PLD5: variants seen among roughly 807,000 people sequenced by gnomAD.
PLD5 encodes inactive phospholipase D5.
A neutral mutation model predicts 61.1 loss-of-function variants in PLD5; 36 were observed. The ratio of observed to expected loss-of-function variants is 0.59; its 90% confidence interval spans 0.45 to 0.78. The LOEUF (loss-of-function observed/expected upper bound fraction) is 0.78, where lower values mean the gene tolerates loss of function less well. Among genes scored for constraint, PLD5 ranks in the 30% least tolerant of loss-of-function variants. PLD5 has a pLI of 0.00. For missense variants in PLD5, 515 were observed against 644.4 expected, an observed-to-expected ratio of 0.80 and a Z score of 2.17; for synonymous variants, 243 against 242.8, an observed-to-expected ratio of 1.00 and a Z score of -0.01.
At chr1:242,309,333 AC>A (rs1676559290) in intron 2 of PLD5, among the ~76,000 whole-genome samples, 1 of 151,620 alleles carries the variant, frequency 6.6e-6, no homozygotes, top group African/African-American at 2.4e-5. Context: ...AACAACAACA[AC>A]AACAACAAAA....
At chr1:242,317,121 C>T (rs1342308009) in intron 2 of PLD5, among the ~76,000 whole-genome samples, 1 of 152,020 alleles carries the variant, frequency 6.6e-6, no homozygotes, top group Non-Finnish European at 1.5e-5. Context: ...AATTCTCCTG[C>T]CTCAGCCTCC....
intron 5 of PLD5, among the ~76,000 whole-genome samples, chr1:242,194,467 C>A (rs1668473149): frequency 6.6e-6 from 1 of 152,170 alleles, no homozygotes. Flanking sequence ...GATACTCACA[C>A]ATACATGTTT....
At chr1:242,362,299 G>C (rs1571978004) in intron 1 of PLD5, among the ~76,000 whole-genome samples, 1 of 152,062 alleles carries the variant, frequency 6.6e-6, no homozygotes, top group African/African-American at 2.4e-5. Context: ...CCAAACAGTA[G>C]GAGACAGTCT....
chr1:242,243,827 G>A (rs999405325), intron 4 of PLD5, among the ~76,000 whole-genome samples: 1 of 152,198 alleles, frequency 6.6e-6, no homozygotes, highest in African/African-American at 2.4e-5. Context: ...TGAAAATTCA[G>A]TAGAGCTTCT....
At chr1:242,182,359 TG>T (rs1348124392) in intron 5 of PLD5, among the ~76,000 whole-genome samples, 1 of 121,770 alleles carries the variant, frequency 8.2e-6, no homozygotes, top group African/African-American at 3.3e-5. Flanking sequence ...CAAATTGGTG[TG>T]AGTTTTAAGT....
chr1:242,524,653 G>GTCCCGAGCGGGCGC lies in PLD5; in HGVS notation c.-391_-378dup, dbSNP rs1334519503. The GTCCCGAGCGGGCGC allele has an allele frequency of 6.2e-6, 1 of 160,612 alleles. No individual in the cohort carries two copies. The highest frequency in any genetic ancestry group is 2.4e-5 in the African/African-American group (1 of 41,424). The allele number at this position is 160,612 out of a possible 1,614,324, so 9.9% of individuals were successfully genotyped here. A position where few individuals can be genotyped will look rare whatever the true frequency, so the allele number is the denominator to read the frequency against. ...GCGGCGACGTCGCCCGGCGGCTGCG[G>GTCCCGAGCGGGCGC]TCCCGAGCGGGCGCTCCGCTCGCCG... is the stretch of plus-strand genomic sequence containing the variant. On this transcript the variant is annotated 5_prime_UTR_variant, in exon 1 of 10. Coordinates refer to ENST00000536534, the MANE Select transcript of PLD5 (RefSeq NM_001372062.1).
intron 2 of PLD5, among the ~76,000 whole-genome samples, chr1:242,298,450 C>A (rs187811379): frequency 6.6e-6 from 1 of 152,162 alleles, no homozygotes; most frequent in East Asian, 1.9e-4. Flanking sequence ...GGGCTCCCAG[C>A]GGCCAGGGGT....
chr1:242,294,902 G>A (rs546264596), intron 2 of PLD5, among the ~76,000 whole-genome samples: 3 of 152,322 alleles, frequency 2.0e-5, no homozygotes, highest in South Asian at 4.1e-4. Context: ...GTGCCTACAC[G>A]ACATTTTCAA....
intron 5 of PLD5, among the ~76,000 whole-genome samples, chr1:242,126,838 C>T (rs1414704073): frequency 6.6e-6 from 1 of 152,114 alleles, no homozygotes; most frequent in African/African-American, 2.4e-5. Context: ...AGAGCTTTTG[C>T]ATGGCAAAAG....
chr1:242,187,980 G>T (rs1174817886), intron 5 of PLD5, among the ~76,000 whole-genome samples: 1 of 152,074 alleles, frequency 6.6e-6, no homozygotes, highest in Non-Finnish European at 1.5e-5. Context: ...GTGCTAGAGG[G>T]GTATGAGAAA....
intron 8 of PLD5, among the ~76,000 whole-genome samples, chr1:242,104,369 A>G (rs892354668): frequency 6.6e-5 from 10 of 151,284 alleles, no homozygotes; most frequent in African/African-American, 2.4e-4. Flanking sequence ...CTTGGCCTCA[A>G]GTGATCCACT....
intron 5 of PLD5, among the ~76,000 whole-genome samples, chr1:242,137,996 G>A (rs1311055501): frequency 6.6e-6 from 1 of 152,130 alleles, no homozygotes; most frequent in Non-Finnish European, 1.5e-5. Flanking sequence ...AGATGTCTGA[G>A]GGTAGTTATA....
intron 7 of PLD5, among the ~76,000 whole-genome samples, chr1:242,108,983 C>T (rs547430651): frequency 6.6e-6 from 1 of 152,330 alleles, no homozygotes; most frequent in African/African-American, 2.4e-5. Context: ...CTGTACCTTC[C>T]TCTTGCTCTT....
chr1:242,267,195 A>AGGAAAG (rs201490435), intron 3 of PLD5, among the ~76,000 whole-genome samples: 40,654 of 128,778 alleles, frequency 0.32, 6,049 homozygotes, highest in South Asian at 0.38. Context: ...GAAAAGGAAA[A>AGGAAAG]GGAAAGGGAA....
At position 242,088,046 on chromosome 1, in the gene PLD5, C is replaced by T. The variant is rs1284360328; in HGVS notation, c.*1808G>A. ...TCACTCACTGGATAACCAACATAGCCATTCTATATTAAGTAAATCCATTGG... is the reference window on the plus strand; with the variant it reads ...TCACTCACTGGATAACCAACATAGCTATTCTATATTAAGTAAATCCATTGG... On this transcript the variant is annotated 3_prime_UTR_variant, in exon 10 of 10. Coordinates refer to ENST00000536534, the MANE Select transcript of PLD5 (RefSeq NM_001372062.1). 6.6e-6 allele frequency: 1 copy of T among 152,106 alleles called. No homozygotes were observed. Among genetic ancestry groups the T allele is most frequent in the East Asian group, 1.9e-4 (1 of 5,192 alleles). The allele number at this position is 152,106 out of a possible 1,614,324, so 9.4% of individuals were successfully genotyped here.
chr1:242,245,480 G>T lies in PLD5; in HGVS notation c.607+19857C>A, dbSNP rs116476221. ...GCTTGCCTGTTCAGCACAGCGTGTGGGGATGCAGCGGCGTAGGCTCCTTGG... is the reference window on the plus strand; with the variant it reads ...GCTTGCCTGTTCAGCACAGCGTGTGTGGATGCAGCGGCGTAGGCTCCTTGG... On this transcript the variant is annotated intron_variant, in intron 4 of 9. Transcript: ENST00000536534. Among the ~76,000 whole-genome samples, 281 of 152,326 alleles carry T rather than the reference G, an allele frequency of 1.8e-3. 4 individuals are homozygous for T. Among genetic ancestry groups the T allele is most frequent in the African/African-American group, 6.4e-3 (265 of 41,570 alleles).
intron 5 of PLD5, among the ~76,000 whole-genome samples, chr1:242,136,239 T>G (rs998976414): frequency 6.6e-6 from 1 of 152,198 alleles, no homozygotes. Context: ...CTCAACCTCA[T>G]TCTCCTATGG....
At chr1:242,219,363 GT>G (rs1670420769) in intron 5 of PLD5, among the ~76,000 whole-genome samples, 1 of 152,128 alleles carries the variant, frequency 6.6e-6, no homozygotes, top group Non-Finnish European at 1.5e-5. Context: ...GTATGCTGGA[GT>G]GTTGATTTAA....
In PLD5 at chr1:242,188,098, C is replaced by T. The variant is rs1239648538; in HGVS notation, c.735+31890G>A. Among the ~76,000 whole-genome samples the T allele has an allele frequency of 2.0e-5, 3 of 152,114 alleles. No individual in the cohort carries two copies. In the East Asian group the frequency reaches 5.8e-4, roughly 29 times the overall value. On this transcript the variant is annotated intron_variant, in intron 5 of 9. Coordinates refer to ENST00000536534, the MANE Select transcript of PLD5 (RefSeq NM_001372062.1). ...GTCCCAGAGTAGAGCACTGGGGGCA[C>T]TCCCTAGGACACATATAAGTGGAAA... is the stretch of plus-strand genomic sequence containing the variant.
Sources: gnomAD v4.1 joint callset for allele counts (sites outside exome capture counted in the v4.1 genomes callset) on GRCh38, gnomAD v4.1.1 for gene constraint, MANE v1.5 for transcripts, NCBI Gene and HGNC (gene_info 2026-07-23, HGNC 2026-07-21) for gene names.